Variants in SDK1 observed in about 807,000 individuals in gnomAD.
SDK1 encodes the protein sidekick cell adhesion molecule 1.
In SDK1, 157 loss-of-function variants were observed where a neutral mutation model predicts 245.5. The observed-to-expected ratio is 0.64, with a 90% CI of 0.56 to 0.73. The LOEUF (loss-of-function observed/expected upper bound fraction) is 0.73, where lower values mean the gene tolerates loss of function less well. Among genes scored for constraint, SDK1 ranks in the 30% least tolerant of loss-of-function variants. The probability of loss-of-function intolerance (pLI) is 0.00; values close to 1 mark genes in which losing one functional copy is unlikely to be tolerated. For synonymous variants in SDK1, 1,647 were observed against 1,278.5 expected, an observed-to-expected ratio of 1.29 and a Z score of -6.15; for missense variants, 3,583 against 3,002.3, an observed-to-expected ratio of 1.19 and a Z score of -4.52.
chr7:4,185,203 G>A (rs1782816873), intron 35 of SDK1, among the ~76,000 whole-genome samples: 1 of 152,204 alleles, frequency 6.6e-6, no homozygotes, highest in South Asian at 2.1e-4. Context: ...GTGCTGATAG[G>A]CAGAGTTTGA....
intron 44 of SDK1, among the ~76,000 whole-genome samples, chr7:4,247,189 T>C (rs946570934): frequency 2.0e-5 from 3 of 152,204 alleles, no homozygotes; most frequent in Non-Finnish European, 4.4e-5. Flanking sequence ...TAACCTGAAT[T>C]CAGGCCTTAT....
At chr7:3,717,189 A>G (rs1475004360) in intron 4 of SDK1, among the ~76,000 whole-genome samples, 3 of 152,214 alleles carry the variant, frequency 2.0e-5, no homozygotes, top group East Asian at 1.9e-4. Flanking sequence ...ACCGAAATAG[A>G]CCATATCCTG....
chr7:3,566,461 G>A lies in SDK1; in HGVS notation c.299-52619G>A, dbSNP rs539472011. On this transcript the variant is annotated intron_variant, in intron 1 of 44. Coordinates refer to ENST00000404826, the MANE Select transcript of SDK1 (RefSeq NM_152744.4). ...AGGATGGTCTCGATCTCCTGACCTC[G>A]TGATCTGCCTGCCTCGGCCTCCCAA... 2.5e-3 allele frequency among the ~76,000 whole-genome samples: 379 copies of A among 151,950 alleles called. 1 individual carries two copies. Among genetic ancestry groups the A allele is most frequent in the African/African-American group, 8.9e-3 (370 of 41,480 alleles).
intron 1 of SDK1, among the ~76,000 whole-genome samples, chr7:3,599,679 G>A (rs1407730310): frequency 1.3e-5 from 2 of 152,082 alleles, no homozygotes; most frequent in South Asian, 2.1e-4. Context: ...TGCCTTCTAG[G>A]TATTCAATTG....
chr7:3,536,870 G>A (rs963585609), intron 1 of SDK1, among the ~76,000 whole-genome samples: 1 of 152,118 alleles, frequency 6.6e-6, no homozygotes, highest in Non-Finnish European at 1.5e-5. Flanking sequence ...AAAGTACCAT[G>A]CTATTATGAA....
intron 1 of SDK1, among the ~76,000 whole-genome samples, chr7:3,341,661 T>G (rs946939691): frequency 1.3e-5 from 2 of 152,148 alleles, no homozygotes; most frequent in African/African-American, 4.8e-5. Flanking sequence ...ACAAAAAATA[T>G]GCAGAAACTG....
intron 4 of SDK1, among the ~76,000 whole-genome samples, chr7:3,669,750 C>A (rs1262577903): frequency 6.6e-6 from 1 of 152,188 alleles, no homozygotes. Context: ...ACATCTCCAG[C>A]CCACATCACT....
chr7:3,770,394 T>G (rs554441949), intron 4 of SDK1, among the ~76,000 whole-genome samples: 1 of 152,330 alleles, frequency 6.6e-6, no homozygotes, highest in Non-Finnish European at 1.5e-5. Flanking sequence ...TTTACAGTTT[T>G]GGGCTTCTGT....
chr7:3,454,386 ATTTG>A (rs1780609547), intron 1 of SDK1, among the ~76,000 whole-genome samples: 1 of 58,438 alleles, frequency 1.7e-5, no homozygotes, highest in African/African-American at 6.0e-5. Flanking sequence ...GTTCCCCAAG[ATTTG>A]TGTGTGTGTG....
chr7:3,912,485 G>A lies in SDK1; in HGVS notation c.848-38438G>A, dbSNP rs151316280. On this transcript the variant is annotated intron_variant, in intron 5 of 44. Transcript: ENST00000404826. Reference sequence around the variant, plus strand: ...ACATTGCATTCTGTGAGGCGCTGAAGCAAGAAGAAAGGCCAGTGAGAGGCT... The same window carrying A: ...ACATTGCATTCTGTGAGGCGCTGAAACAAGAAGAAAGGCCAGTGAGAGGCT... Among the ~76,000 whole-genome samples the A allele has an allele frequency of 4.6e-5, 7 of 152,354 alleles. No homozygotes were observed. The East Asian group carries it at 1.4e-3, about 29-fold the overall frequency.
chr7:3,598,509 A>G (rs1348383957), intron 1 of SDK1, among the ~76,000 whole-genome samples: 1 of 152,188 alleles, frequency 6.6e-6, no homozygotes, highest in African/African-American at 2.4e-5. Flanking sequence ...CAAAAGTATA[A>G]TACGGTATTA....
At chr7:3,482,088 A>G (rs1244704001) in intron 1 of SDK1, among the ~76,000 whole-genome samples, 3 of 152,236 alleles carry the variant, frequency 2.0e-5, no homozygotes, top group Non-Finnish European at 2.9e-5. Context: ...GTTCAGGGAC[A>G]TATCCTACCA....
chr7:3,625,841 C>A (rs913072211), intron 2 of SDK1, among the ~76,000 whole-genome samples: 3 of 151,982 alleles, frequency 2.0e-5, no homozygotes, highest in Non-Finnish European at 4.4e-5. Context: ...ATGCCAGCTG[C>A]GCCACCATAA....
At chr7:4,040,299 C>T (rs977147223) in intron 17 of SDK1, among the ~76,000 whole-genome samples, 15 of 152,278 alleles carry the variant, frequency 9.9e-5, no homozygotes, top group African/African-American at 3.4e-4. Flanking sequence ...GTTCCCCCAC[C>T]GTGGTTGCAT....
intron 1 of SDK1, among the ~76,000 whole-genome samples, chr7:3,534,934 A>C (rs1184020043): frequency 2.0e-5 from 3 of 152,176 alleles, no homozygotes; most frequent in Non-Finnish European, 4.4e-5. Context: ...GTCAGTGGAC[A>C]GCTCATTTGC....
intron 43 of SDK1, among the ~76,000 whole-genome samples, chr7:4,244,873 C>T (rs552340663): frequency 1.2e-4 from 18 of 152,290 alleles, no homozygotes; most frequent in Admixed American, 5.9e-4. Flanking sequence ...TCCTGGAGGC[C>T]GCTCATGGTC....
intron 1 of SDK1, among the ~76,000 whole-genome samples, chr7:3,446,586 A>T (rs565505428): frequency 1.3e-5 from 2 of 152,286 alleles, no homozygotes; most frequent in South Asian, 4.1e-4. Context: ...AATTCAACTC[A>T]ATTTAATAAG....
intron 30 of SDK1, among the ~76,000 whole-genome samples, chr7:4,150,886 C>T (rs567933103): frequency 6.8e-4 from 103 of 152,348 alleles, no homozygotes; most frequent in African/African-American, 2.5e-3. Flanking sequence ...GAGGGGTGGC[C>T]GACCGGGCGT....
chr7:3,672,724 T>G (rs1344019417), intron 4 of SDK1, among the ~76,000 whole-genome samples: 1 of 121,192 alleles, frequency 8.3e-6, no homozygotes, highest in Admixed American at 9.6e-5. Flanking sequence ...TTATATTAAA[T>G]AAAAATGTAA....
Sources: gnomAD v4.1 joint callset for allele counts (sites outside exome capture counted in the v4.1 genomes callset) on GRCh38, gnomAD v4.1.1 for gene constraint, MANE v1.5 for transcripts, NCBI Gene and HGNC (gene_info 2026-07-23, HGNC 2026-07-21) for gene names.